The following ST6GAL2 variants were observed in gnomAD, a reference collection of about 807,000 sequenced individuals.
The protein encoded by ST6GAL2 is ST6 beta-galactoside alpha-2,6-sialyltransferase 2, also known as beta-galactoside alpha-2,6-sialyltransferase 2.
In ST6GAL2, 24 loss-of-function variants were observed where a neutral mutation model predicts 37.5. The ratio of observed to expected loss-of-function variants is 0.64; its 90% CI spans 0.46 to 0.90. The LOEUF (loss-of-function observed/expected upper bound fraction) is 0.90, where lower values mean the gene tolerates loss of function less well. ST6GAL2 is among the 40% of genes least tolerant of loss of function. ST6GAL2 has a pLI of 0.00. For synonymous variants in ST6GAL2, 306 were observed against 295.1 expected (o/e 1.04, Z -0.38); for missense variants, 715 against 712.7 (o/e 1.00, Z -0.04).
chr2:106,831,303 A>C (rs1284016969), intron 4 of ST6GAL2, among the ~76,000 whole-genome samples: 1 of 152,228 alleles, frequency 6.6e-6, no homozygotes, highest in African/African-American at 2.4e-5. Context: ...AAGGCCTTAC[A>C]GAAAGCGGCC....
At chr2:106,833,445 C>T (rs1013784636) in intron 3 of ST6GAL2, among the ~76,000 whole-genome samples, 2 of 152,178 alleles carry the variant, frequency 1.3e-5, no homozygotes, top group African/African-American at 4.8e-5. Context: ...ATCTTTTGTT[C>T]TGTAAGCAAC....
Position 106,844,042 on chromosome 2 carries a change from A to C in ST6GAL2, c.-57-8T>G. On this transcript the variant is annotated splice_polypyrimidine_tract_variant and splice_region_variant and intron_variant, in intron 1 of 5. Transcript: ENST00000409382. ...ATGGGTGGCAGAATGAACCTGAAAAACAGCCAGATGGCAGTTAGCCAACAT... is the reference window on the plus strand; with the variant it reads ...ATGGGTGGCAGAATGAACCTGAAAACCAGCCAGATGGCAGTTAGCCAACAT... 7.3e-7 allele frequency: 1 copy of C among 1,373,812 alleles called. No homozygotes were observed. Among genetic ancestry groups the C allele is most frequent in the African/African-American group, 1.4e-5 (1 of 69,436 alleles). The allele number at this position is 1,373,812 out of a possible 1,614,324, so 85.1% of individuals were successfully genotyped here.
At chr2:106,853,162 C>A (rs1677440089) in intron 1 of ST6GAL2, among the ~76,000 whole-genome samples, 1 of 152,164 alleles carries the variant, frequency 6.6e-6, no homozygotes, top group African/African-American at 2.4e-5. Flanking sequence ...CAGCTCCCTA[C>A]ATTTAGCAGA....
intron 2 of ST6GAL2, among the ~76,000 whole-genome samples, chr2:106,840,383 C>A (rs1676828892): frequency 6.6e-6 from 1 of 152,118 alleles, no homozygotes; most frequent in Non-Finnish European, 1.5e-5. Context: ...TTCAGGTGAA[C>A]AGGAAGGAGC....
chr2:106,878,572 G>A (rs1157844955), intron 1 of ST6GAL2, among the ~76,000 whole-genome samples: 1 of 152,148 alleles, frequency 6.6e-6, no homozygotes, highest in Non-Finnish European at 1.5e-5. Flanking sequence ...GACCAGCCTG[G>A]AGAGAACAGT....
At chr2:106,872,529 T>A (rs551058233) in intron 1 of ST6GAL2, among the ~76,000 whole-genome samples, 2 of 152,238 alleles carry the variant, frequency 1.3e-5, no homozygotes, top group Non-Finnish European at 2.9e-5. Flanking sequence ...GTACGAGAGG[T>A]CCCTGTGTCT....
intron 1 of ST6GAL2, among the ~76,000 whole-genome samples, chr2:106,885,339 C>T (rs557321639): frequency 6.6e-6 from 1 of 152,184 alleles, no homozygotes; most frequent in Non-Finnish European, 1.5e-5. Context: ...GCATTACTTT[C>T]CCCCCAAAAG....
intron 1 of ST6GAL2, among the ~76,000 whole-genome samples, chr2:106,865,944 T>C (rs1042559263): frequency 6.6e-6 from 1 of 152,202 alleles, no homozygotes; most frequent in Non-Finnish European, 1.5e-5. Flanking sequence ...GTTCCAGAGG[T>C]GACATTTAAT....
intron 5 of ST6GAL2, among the ~76,000 whole-genome samples, chr2:106,815,249 G>A (rs1336573387): frequency 6.6e-6 from 1 of 152,170 alleles, no homozygotes; most frequent in African/African-American, 2.4e-5. Flanking sequence ...TCACCAGAAT[G>A]CCATACCCTT....
intron 2 of ST6GAL2, chr2:106,835,033 T>A (rs1373992802): frequency 6.6e-6 from 1 of 152,208 alleles, no homozygotes; most frequent in East Asian, 1.9e-4. Context: ...CACAGGAAAG[T>A]GGGTTCACCT....
In ST6GAL2 at chr2:106,881,969, T is replaced by A. The variant is rs57224735; in HGVS notation, c.-58+4124A>T. On this transcript the variant is annotated intron_variant, in intron 1 of 5. Transcript: ENST00000409382. ...AAAGCAGATGGATCATTTTCTTGAA[T>A]CTTAGCCTAAATTTTTCCTTGGAAA... 8.6e-3 allele frequency among the ~76,000 whole-genome samples: 1,305 copies of A among 152,344 alleles called. 22 individuals are homozygous for A. Among genetic ancestry groups the A allele is most frequent in the African/African-American group, 0.029 (1,212 of 41,586 alleles).
chr2:106,873,129 C>T (rs1678347930), intron 1 of ST6GAL2, among the ~76,000 whole-genome samples: 1 of 152,196 alleles, frequency 6.6e-6, no homozygotes, highest in South Asian at 2.1e-4. Context: ...TGCTCACTAA[C>T]CCTTCATCTC....
intron 1 of ST6GAL2, among the ~76,000 whole-genome samples, chr2:106,872,298 A>T (rs1414731268): frequency 6.6e-6 from 1 of 152,246 alleles, no homozygotes; most frequent in Non-Finnish European, 1.5e-5. Flanking sequence ...TGCCTGGTGC[A>T]TGAGTCCAGG....
chr2:106,838,615 A>T (rs1219000613), intron 2 of ST6GAL2, among the ~76,000 whole-genome samples: 1 of 152,108 alleles, frequency 6.6e-6, no homozygotes, highest in Non-Finnish European at 1.5e-5. Context: ...GTTTCTGGAG[A>T]CCCAGACTGG....
Position 106,874,750 on chromosome 2 carries a change from CT to C in ST6GAL2, c.-58+11342del, listed in dbSNP as rs1369192754. On this transcript the variant is annotated intron_variant, in intron 1 of 5. Coordinates refer to ENST00000409382, the MANE Select transcript of ST6GAL2 (RefSeq NM_001142351.2). ...CACCCTCTAGAAACTGTATATGTCA[CT>C]GTTTCCATAAGGGCAGAGACTGTGG... Among the ~76,000 whole-genome samples the C allele has an allele frequency of 2.0e-5, 3 of 152,204 alleles. No homozygotes were observed. The East Asian group carries it at 5.8e-4, about 29-fold the overall frequency.
At chr2:106,862,567 G>A (rs1347124823) in intron 1 of ST6GAL2, among the ~76,000 whole-genome samples, 1 of 151,950 alleles carries the variant, frequency 6.6e-6, no homozygotes. Flanking sequence ...CTCTCAGAAT[G>A]TAAAGTTCAA....
intron 5 of ST6GAL2, among the ~76,000 whole-genome samples, chr2:106,817,672 C>T (rs1675852759): frequency 6.6e-6 from 1 of 152,032 alleles, no homozygotes; most frequent in Middle Eastern, 3.2e-3. Context: ...GGGAGGGACT[C>T]CCGCTTGAAA....
chr2:106,836,506 C>T (rs6712179), intron 2 of ST6GAL2, among the ~76,000 whole-genome samples: 10,233 of 151,996 alleles, frequency 0.067, 894 homozygotes, highest in African/African-American at 0.21. Flanking sequence ...CTTTCACTCA[C>T]GCATAATTGT....
chr2:106,883,556 T>A (rs1678837880), intron 1 of ST6GAL2, among the ~76,000 whole-genome samples: 1 of 152,156 alleles, frequency 6.6e-6, no homozygotes, highest in Non-Finnish European at 1.5e-5. Context: ...ACTTTTATAG[T>A]CATTTGGGAA....
Sources: gnomAD v4.1 joint callset for allele counts (sites outside exome capture counted in the v4.1 genomes callset) on GRCh38, gnomAD v4.1.1 for gene constraint, MANE v1.5 for transcripts, NCBI Gene and HGNC (gene_info 2026-07-23, HGNC 2026-07-21) for gene names.